Variants in PPARGC1A observed in about 807,000 individuals in gnomAD.
The protein encoded by PPARGC1A is PPARG coactivator 1 alpha.
Under a neutral mutation model 88.7 loss-of-function variants are expected in PPARGC1A, and 25 were observed. That is an observed-to-expected ratio of 0.28 (90% CI 0.21 to 0.39). PPARGC1A has a LOEUF of 0.39. Among genes scored for constraint, PPARGC1A ranks in the 10% least tolerant of loss-of-function variants. The pLI is 1.00. For missense variants in PPARGC1A, 880 were observed against 968.7 expected, an observed-to-expected ratio of 0.91 and a Z score of 1.22; for synonymous variants, 363 against 355.6, an observed-to-expected ratio of 1.02 and a Z score of -0.24.
chr4:24,222,595 C>T, the PPARGC1A span, among the ~76,000 whole-genome samples: 1 of 152,116 alleles, frequency 6.6e-6, no homozygotes. Flanking sequence ...CATCAAACTC[C>T]CTAAGAGAAA....
chr4:24,291,716 C>A, the PPARGC1A span, among the ~76,000 whole-genome samples: 5 of 152,102 alleles, frequency 3.3e-5, no homozygotes, highest in African/African-American at 1.2e-4. Flanking sequence ...CTGAACTCAG[C>A]GGCTCTGGGG....
chr4:24,113,967 C>A, the PPARGC1A span, among the ~76,000 whole-genome samples: 2 of 151,580 alleles, frequency 1.3e-5, no homozygotes, highest in Admixed American at 6.6e-5. Flanking sequence ...CTACTAAAAA[C>A]ACAAAAAATA....
chr4:24,087,799 T>C, the PPARGC1A span, among the ~76,000 whole-genome samples: 1 of 152,220 alleles, frequency 6.6e-6, no homozygotes, highest in African/African-American at 2.4e-5. Flanking sequence ...TATGCTTAAA[T>C]GGATTTTCAG....
the PPARGC1A span, among the ~76,000 whole-genome samples, chr4:24,251,199 T>G: frequency 6.6e-6 from 1 of 152,212 alleles, no homozygotes; most frequent in Non-Finnish European, 1.5e-5. Context: ...GCAATACAGA[T>G]GCTGAATGTG....
intron 2 of PPARGC1A, among the ~76,000 whole-genome samples, chr4:23,839,290 T>G (rs1236540194): frequency 6.6e-6 from 1 of 152,072 alleles, no homozygotes; most frequent in Non-Finnish European, 1.5e-5. Context: ...TAAAAATTCC[T>G]GGTTAATATA....
the PPARGC1A span, among the ~76,000 whole-genome samples, chr4:23,944,350 A>AAGCACCCTG: frequency 6.6e-6 from 1 of 152,106 alleles, no homozygotes; most frequent in Non-Finnish European, 1.5e-5. Context: ...CTGTCCTCCA[A>AAGCACCCTG]AGCACCCTGA....
At chr4:24,428,184 G>A in the PPARGC1A span, among the ~76,000 whole-genome samples, 147,058 of 151,978 alleles carry the variant, frequency 0.97, 71,319 homozygotes, top group Middle Eastern at 1. Context: ...GAGAAGCTCT[G>A]GTCTAGATTC....
intron 1 of PPARGC1A, among the ~76,000 whole-genome samples, chr4:23,898,201 G>T (rs551531494): frequency 6.6e-6 from 1 of 152,322 alleles, no homozygotes; most frequent in African/African-American, 2.4e-5. Flanking sequence ...CATGTAGGGT[G>T]TGGAGGGAGG....
chr4:23,910,789 T>A, the PPARGC1A span, among the ~76,000 whole-genome samples: 8 of 139,724 alleles, frequency 5.7e-5, no homozygotes, highest in Admixed American at 5.7e-4. Context: ...ACACTTATTA[T>A]CTTATGAAAT....
At chr4:24,238,328 G>A in the PPARGC1A span, among the ~76,000 whole-genome samples, 1 of 152,144 alleles carries the variant, frequency 6.6e-6, no homozygotes, top group Non-Finnish European at 1.5e-5. Context: ...TAAAGCATAG[G>A]CTTTGGTGGG....
the PPARGC1A span, among the ~76,000 whole-genome samples, chr4:24,212,280 A>G: frequency 6.6e-6 from 1 of 152,194 alleles, no homozygotes; most frequent in Non-Finnish European, 1.5e-5. Flanking sequence ...AAAACATTCT[A>G]GGTGCTGAAA....
the PPARGC1A span, among the ~76,000 whole-genome samples, chr4:24,050,722 T>C: frequency 3.3e-4 from 50 of 152,300 alleles, no homozygotes; most frequent in East Asian, 1.5e-3. Flanking sequence ...TTTGTTGTGG[T>C]TGTTCTTCAG....
At chr4:24,206,784 G>A in the PPARGC1A span, among the ~76,000 whole-genome samples, 5 of 142,228 alleles carry the variant, frequency 3.5e-5, no homozygotes, top group Admixed American at 7.4e-5. Context: ...AGGCTGCAGT[G>A]AGCCAAGATT....
chr4:24,407,028 G>A, the PPARGC1A span, among the ~76,000 whole-genome samples: 2 of 152,056 alleles, frequency 1.3e-5, no homozygotes, highest in Non-Finnish European at 2.9e-5. Flanking sequence ...TTCTTTTTCA[G>A]CTATGGTGGC....
chr4:24,321,185 G>A, the PPARGC1A span, among the ~76,000 whole-genome samples: 1 of 152,188 alleles, frequency 6.6e-6, no homozygotes, highest in African/African-American at 2.4e-5. Context: ...CATCCTCAAT[G>A]ATACCGTGTA....
chr4:24,228,167 T>G, the PPARGC1A span, among the ~76,000 whole-genome samples: 1 of 152,128 alleles, frequency 6.6e-6, no homozygotes, highest in Admixed American at 6.5e-5. Flanking sequence ...AATCCTTGGT[T>G]ACAGTGATGG....
At chr4:24,354,018 G>A in the PPARGC1A span, among the ~76,000 whole-genome samples, 1 of 152,112 alleles carries the variant, frequency 6.6e-6, no homozygotes, top group African/African-American at 2.4e-5. Context: ...GAAGTCTGCC[G>A]CGGTCTCACC....
Position 23,831,646 on chromosome 4 carries a change from C to T in PPARGC1A, c.340G>A (p.Asp114Asn). 6.2e-7 allele frequency: 1 copy of T among 1,614,102 alleles called. No individual in the cohort carries two copies. Among genetic ancestry groups the T allele is most frequent in the Non-Finnish European group, 8.5e-7 (1 of 1,179,976 alleles). ...DGLPSFDALT[D>N]GDVTTDNEAS... Reference sequence around the variant, plus strand: ...TCATTGTCAGTGGTCACGTCTCCATCTGTCAGCGCATCAAATGAGGGCAAT... The same window carrying T: ...TCATTGTCAGTGGTCACGTCTCCATTTGTCAGCGCATCAAATGAGGGCAAT... Residue 114 changes from aspartate (D) to asparagine (N), a missense_variant, in exon 3 of 13, where the codon GAT (aspartate) becomes AAT (asparagine). By Grantham distance (23) the Asp-to-Asn change is conservative (BLOSUM62 1). Coordinates refer to ENST00000264867, the MANE Select transcript of PPARGC1A (RefSeq NM_013261.5).
chr4:24,175,661 T>C, the PPARGC1A span, among the ~76,000 whole-genome samples: 2 of 151,726 alleles, frequency 1.3e-5, no homozygotes, highest in South Asian at 4.2e-4. Flanking sequence ...GTGCTGGGAT[T>C]ACAGGCGTGA....
Sources: gnomAD v4.1 joint callset for allele counts (sites outside exome capture counted in the v4.1 genomes callset) on GRCh38, gnomAD v4.1.1 for gene constraint, MANE v1.5 for transcripts, NCBI Gene and HGNC (gene_info 2026-07-23, HGNC 2026-07-21) for gene names.